Variants in SND1 observed in about 807,000 individuals in gnomAD.
SND1 encodes the protein staphylococcal nuclease and tudor domain containing 1, also known as staphylococcal nuclease domain-containing protein 1.
In SND1, 38 loss-of-function variants were observed where a neutral mutation model predicts 121.7. The observed-to-expected ratio is 0.31, with a 90% CI of 0.24 to 0.41. The LOEUF (loss-of-function observed/expected upper bound fraction) is 0.41, where lower values mean the gene tolerates loss of function less well. Ranked by LOEUF, SND1 falls within the 10% of genes least tolerant of loss-of-function variation. The pLI, the probability that SND1 is intolerant of heterozygous loss-of-function variation, is 1.00. For synonymous variants in SND1, 401 were observed against 447.4 expected (o/e 0.90, Z 1.31); for missense variants, 868 against 1,184.6 (o/e 0.73, Z 3.92).
At chr7:127,724,396 T>C (rs1397235199) in intron 10 of SND1, among the ~76,000 whole-genome samples, 1 of 152,166 alleles carries the variant, frequency 6.6e-6, no homozygotes, top group African/African-American at 2.4e-5. Context: ...GACTAGAGAA[T>C]GGATGGCTCC....
At position 127,823,124 on chromosome 7, in the gene SND1, A is replaced by G. The variant is rs541760661; in HGVS notation, c.1242+15551A>G. On this transcript the variant is annotated intron_variant, in intron 11 of 23. Coordinates refer to ENST00000354725, the MANE Select transcript of SND1 (RefSeq NM_014390.4). ...GTCCTGATAAGGCTGAGTGAGAGAC[A>G]GAAGGGGATGAGCAAAGTGAGCAGT... Among the ~76,000 whole-genome samples the G allele has an allele frequency of 2.6e-5, 4 of 152,330 alleles. No homozygotes were observed. The East Asian group carries it at 7.7e-4, about 29-fold the overall frequency.
chr7:127,780,363 A>T (rs1000849212), intron 10 of SND1, among the ~76,000 whole-genome samples: 2 of 152,208 alleles, frequency 1.3e-5, no homozygotes, highest in African/African-American at 2.4e-5. Flanking sequence ...GGAAGCAGTG[A>T]GATGGGTGCC....
At chr7:128,006,015 G>A (rs1000259544) in intron 16 of SND1, among the ~76,000 whole-genome samples, 2 of 152,166 alleles carry the variant, frequency 1.3e-5, no homozygotes, top group African/African-American at 4.8e-5. Context: ...TTTTGCCAAA[G>A]GTGCAAAGGT....
intron 10 of SND1, among the ~76,000 whole-genome samples, chr7:127,790,716 A>C (rs1797892142): frequency 6.6e-6 from 1 of 152,188 alleles, no homozygotes; most frequent in African/African-American, 2.4e-5. Context: ...CATAATACTG[A>C]GTTGGGTTAG....
At chr7:127,797,194 A>AT (rs1369225691) in intron 10 of SND1, among the ~76,000 whole-genome samples, 3 of 151,936 alleles carry the variant, frequency 2.0e-5, no homozygotes, top group Non-Finnish European at 4.4e-5. Context: ...TGCCCGGGCT[A>AT]TTTTGCTGAT....
chr7:128,041,042 C>A (rs990437359), intron 16 of SND1, among the ~76,000 whole-genome samples: 3 of 152,154 alleles, frequency 2.0e-5, no homozygotes, highest in African/African-American at 7.2e-5. Flanking sequence ...TTAAGGGACC[C>A]ATGATGGAAA....
At chr7:127,896,366 A>G (rs1800119527) in intron 13 of SND1, among the ~76,000 whole-genome samples, 1 of 152,162 alleles carries the variant, frequency 6.6e-6, no homozygotes, top group African/African-American at 2.4e-5. Flanking sequence ...CTATAAAGTG[A>G]TAACACTTGA....
intron 10 of SND1, among the ~76,000 whole-genome samples, chr7:127,760,303 A>G (rs1034756225): frequency 2.0e-4 from 31 of 152,342 alleles, no homozygotes; most frequent in African/African-American, 7.5e-4. Flanking sequence ...AACCAGCCCC[A>G]TCACTAGTTC....
chr7:127,754,388 G>A (rs80222294), intron 10 of SND1, among the ~76,000 whole-genome samples: 1 of 152,226 alleles, frequency 6.6e-6, no homozygotes, highest in East Asian at 1.9e-4. Flanking sequence ...GTCCACTAAG[G>A]GTAAATCATG....
intron 11 of SND1, among the ~76,000 whole-genome samples, chr7:127,823,672 T>C (rs1339386034): frequency 2.0e-5 from 3 of 152,218 alleles, no homozygotes; most frequent in East Asian, 3.8e-4. Flanking sequence ...AAATGTTGGA[T>C]GCCTTGCCTC....
intron 10 of SND1, among the ~76,000 whole-genome samples, chr7:127,759,101 G>GATAGATAGATAA (rs58270366): frequency 6.6e-6 from 1 of 152,044 alleles, no homozygotes; most frequent in East Asian, 1.9e-4. Context: ...TAGATAGATA[G>GATAGATAGATAA]GCAGGCAGGC....
Position 128,088,209 on chromosome 7 carries a change from C to T in SND1, c.2418+1158C>T, listed in dbSNP as rs147438280. ...ACGCCTGTAATCCCAGCATAGGAGG[C>T]CAAGCAGGGAGGACTGCTTGAGCCC... On this transcript the variant is annotated intron_variant, in intron 21 of 23. Coordinates refer to ENST00000354725, the MANE Select transcript of SND1 (RefSeq NM_014390.4). Among the ~76,000 whole-genome samples, 483 of 150,500 alleles carry T rather than the reference C, an allele frequency of 3.2e-3. 2 individuals carry two copies. The highest frequency in any genetic ancestry group is 4.9e-3 in the Non-Finnish European group (330 of 67,788).
At chr7:127,870,242 C>T (rs1296270515) in intron 12 of SND1, among the ~76,000 whole-genome samples, 2 of 152,188 alleles carry the variant, frequency 1.3e-5, no homozygotes, top group East Asian at 1.9e-4. Context: ...GCAGTAATCT[C>T]CTATGGTCCT....
chr7:127,858,025 C>T (rs1799313977), intron 12 of SND1: 7 of 1,448,842 alleles, frequency 4.8e-6, no homozygotes, highest in African/African-American at 1.4e-5. Context: ...CTTATATTCC[C>T]ACATCACATC....
intron 14 of SND1, among the ~76,000 whole-genome samples, chr7:127,911,933 T>C (rs1162448985): frequency 6.6e-6 from 1 of 152,152 alleles, no homozygotes; most frequent in Non-Finnish European, 1.5e-5. Flanking sequence ...AAGACATAGC[T>C]TTATTGTGTT....
At chr7:127,799,259 A>G (rs56221924) in intron 10 of SND1, among the ~76,000 whole-genome samples, 2,596 of 152,260 alleles carry the variant, frequency 0.017, 92 homozygotes, top group African/African-American at 0.059. Flanking sequence ...CCTCTGGGGT[A>G]CCTGGGATCA....
At chr7:127,940,194 T>C (rs1228720912) in intron 15 of SND1, among the ~76,000 whole-genome samples, 1 of 152,116 alleles carries the variant, frequency 6.6e-6, no homozygotes, top group Non-Finnish European at 1.5e-5. Flanking sequence ...TCTGATGGCT[T>C]TTCTCTGTTG....
At chr7:127,664,314 C>T (rs1446241718) in intron 1 of SND1, among the ~76,000 whole-genome samples, 2 of 152,206 alleles carry the variant, frequency 1.3e-5, no homozygotes, top group Non-Finnish European at 2.9e-5. Context: ...TAATGAGTGA[C>T]TCTGGGAAGC....
At chr7:128,065,205 A>AAGG (rs1793292390) in intron 16 of SND1, among the ~76,000 whole-genome samples, 1 of 152,222 alleles carries the variant, frequency 6.6e-6, no homozygotes. Context: ...AGAGGTTGTG[A>AAGG]TCTGGAGCCA....
Sources: gnomAD v4.1 joint callset for allele counts (sites outside exome capture counted in the v4.1 genomes callset) on GRCh38, gnomAD v4.1.1 for gene constraint, MANE v1.5 for transcripts, NCBI Gene and HGNC (gene_info 2026-07-23, HGNC 2026-07-21) for gene names.